The following PDE11A variants were observed in gnomAD, a reference collection of about 807,000 sequenced individuals.
PDE11A encodes phosphodiesterase 11A.
Under a neutral mutation model 100.5 loss-of-function variants are expected in PDE11A, and 100 were observed. The ratio of observed to expected loss-of-function variants is 1.00; its 90% CI spans 0.85 to 1.18. PDE11A has a LOEUF of 1.18. Ranked by LOEUF, PDE11A falls within the 50% of genes most tolerant of loss-of-function variation. The probability of loss-of-function intolerance (pLI) is 0.00; values close to 1 mark genes in which losing one functional copy is unlikely to be tolerated. For synonymous variants in PDE11A, 381 were observed against 420.8 expected (o/e 0.91, Z 1.16); for missense variants, 1,141 against 1,152.6 (o/e 0.99, Z 0.15).
At chr2:177,934,970 G>C (rs1011292306) in intron 2 of PDE11A, among the ~76,000 whole-genome samples, 21 of 152,250 alleles carry the variant, frequency 1.4e-4, no homozygotes, top group Middle Eastern at 3.4e-3. Flanking sequence ...AGAGGTGGAG[G>C]GGGGAGTAAG....
intron 6 of PDE11A, among the ~76,000 whole-genome samples, chr2:177,838,314 C>A (rs1345246050): frequency 1.3e-5 from 2 of 152,130 alleles, no homozygotes; most frequent in African/African-American, 4.8e-5. Flanking sequence ...AAAAATCTTA[C>A]AACTACTAGA....
intron 9 of PDE11A, among the ~76,000 whole-genome samples, chr2:177,785,691 C>A (rs61964310): frequency 8.3e-6 from 1 of 120,332 alleles, no homozygotes; most frequent in Non-Finnish European, 1.9e-5. Flanking sequence ...CCTAATACTG[C>A]GCTTTTCCGA....
intron 1 of PDE11A, among the ~76,000 whole-genome samples, chr2:178,059,260 T>A (rs72947928): frequency 1.2e-3 from 185 of 152,206 alleles, no homozygotes; most frequent in Non-Finnish European, 2.2e-3. Flanking sequence ...TCTAGCAGGG[T>A]CCAGGGTATG....
At chr2:177,922,926 C>A in intron 2 of PDE11A, 4 of 552,654 alleles carry the variant, frequency 7.2e-6, no homozygotes, top group Non-Finnish European at 9.2e-6. Context: ...CATTCTAGAA[C>A]CTTCTTGCCT....
chr2:177,678,980 G>A (rs540042849), intron 16 of PDE11A, among the ~76,000 whole-genome samples: 4 of 151,752 alleles, frequency 2.6e-5, no homozygotes, highest in African/African-American at 9.7e-5. Context: ...TTAGTGGATG[G>A]TGGGGGGAAG....
chr2:177,708,119 C>T (rs1317721423), intron 13 of PDE11A, among the ~76,000 whole-genome samples: 2 of 152,130 alleles, frequency 1.3e-5, no homozygotes, highest in Non-Finnish European at 2.9e-5. Flanking sequence ...GCATACACAA[C>T]GTACACAATG....
intron 6 of PDE11A, among the ~76,000 whole-genome samples, chr2:177,822,247 T>C (rs2083152691): frequency 6.6e-6 from 1 of 151,952 alleles, no homozygotes; most frequent in African/African-American, 2.4e-5. Context: ...ATAATCCAAC[T>C]GAAAATGATT....
chr2:178,016,230 G>T (rs1001307362), intron 1 of PDE11A, among the ~76,000 whole-genome samples: 3 of 139,404 alleles, frequency 2.2e-5, no homozygotes, highest in Non-Finnish European at 3.0e-5. Flanking sequence ...TGATCCACTC[G>T]CCTTGGCCTC....
chr2:177,667,565 C>T (rs147163726), intron 18 of PDE11A, among the ~76,000 whole-genome samples: 163 of 152,262 alleles, frequency 1.1e-3, no homozygotes, highest in African/African-American at 3.4e-3. Context: ...TATTATTGTA[C>T]TAGTCACTTC....
At chr2:177,828,238 T>G (rs147936912) in intron 6 of PDE11A, among the ~76,000 whole-genome samples, 2 of 152,268 alleles carry the variant, frequency 1.3e-5, no homozygotes, top group African/African-American at 4.8e-5. Context: ...AAGTCCTTCC[T>G]CACCTTTTCT....
At position 177,946,530 on chromosome 2, in the gene PDE11A, G is replaced by A. The variant is rs1258496263; in HGVS notation, c.1072-41343C>T. 5.6e-3 allele frequency among the ~76,000 whole-genome samples: 403 copies of A among 72,608 alleles called. 3 individuals are homozygous for A. The highest frequency in any genetic ancestry group is 8.1e-3 in the Non-Finnish European group (264 of 32,638). The allele number at this position is 72,608 out of a possible 152,430, so 47.6% of individuals were successfully genotyped here. ...GTGGGGGGGGTCAGCCCCCCCGCCC[G>A]GCCAGCCGCCCCGTCCGGGAGGTGA... On this transcript the variant is annotated intron_variant, in intron 2 of 19. Transcript: ENST00000286063.
intron 9 of PDE11A, among the ~76,000 whole-genome samples, chr2:177,773,339 C>A (rs771838797): frequency 1.3e-5 from 2 of 152,140 alleles, no homozygotes; most frequent in African/African-American, 4.8e-5. Context: ...TTACTGCCCC[C>A]GAGTTGTGAA....
At chr2:177,658,760 G>A (rs2080429795) in intron 19 of PDE11A, among the ~76,000 whole-genome samples, 1 of 150,858 alleles carries the variant, frequency 6.6e-6, no homozygotes, top group East Asian at 1.9e-4. Context: ...TGTTTTTAGG[G>A]AACACTGGAT....
At chr2:178,082,644 G>A (rs2087301712) in intron 2 of PDE11A, among the ~76,000 whole-genome samples, 1 of 152,218 alleles carries the variant, frequency 6.6e-6, no homozygotes, top group African/African-American at 2.4e-5. Flanking sequence ...GAAACAAAGT[G>A]CATGCACAGT....
chr2:177,865,672 AAAAG>A (rs1323236054), intron 5 of PDE11A, among the ~76,000 whole-genome samples: 1 of 152,198 alleles, frequency 6.6e-6, no homozygotes, highest in Non-Finnish European at 1.5e-5. Context: ...TCATCCATAA[AAAAG>A]AATGAAGGAA....
chr2:177,945,503 C>T (rs145479611), intron 2 of PDE11A, among the ~76,000 whole-genome samples: 23,303 of 146,062 alleles, frequency 0.16, 2,449 homozygotes, highest in Middle Eastern at 0.26. Context: ...GGCCTCTGCC[C>T]GGCCGAGACC....
At chr2:178,035,296 G>T (rs2105844293) in intron 1 of PDE11A, among the ~76,000 whole-genome samples, 1 of 152,118 alleles carries the variant, frequency 6.6e-6, no homozygotes, top group Admixed American at 6.5e-5. Flanking sequence ...CAAATTCCTG[G>T]ACACATACAC....
At chr2:177,754,372 A>T (rs1032005597) in intron 10 of PDE11A, among the ~76,000 whole-genome samples, 6 of 152,154 alleles carry the variant, frequency 3.9e-5, no homozygotes, top group African/African-American at 1.4e-4. Context: ...ACAAAAAACA[A>T]AAAAACTCAA....
At chr2:177,735,646 A>C (rs1317703910) in intron 10 of PDE11A, among the ~76,000 whole-genome samples, 1 of 152,214 alleles carries the variant, frequency 6.6e-6, no homozygotes, top group South Asian at 2.1e-4. Context: ...TAACAAAAAA[A>C]CAGTGCTTGT....
Sources: gnomAD v4.1 joint callset for allele counts (sites outside exome capture counted in the v4.1 genomes callset) on GRCh38, gnomAD v4.1.1 for gene constraint, MANE v1.5 for transcripts, NCBI Gene and HGNC (gene_info 2026-07-23, HGNC 2026-07-21) for gene names.